Variants in TOP1 observed in about 807,000 individuals in gnomAD.
TOP1 encodes the protein DNA topoisomerase 1.
A neutral mutation model predicts 111.1 loss-of-function variants in TOP1; 10 were observed. That is an observed-to-expected ratio of 0.09 (90% CI 0.06 to 0.15). The LOEUF (loss-of-function observed/expected upper bound fraction) is 0.15. TOP1 is among the 10% of genes least tolerant of loss of function. TOP1 has a pLI of 1.00. For missense variants in TOP1, 474 were observed against 926.7 expected (o/e 0.51, Z 6.34); for synonymous variants, 271 against 302.9 (o/e 0.89, Z 1.10).
In TOP1 at chr20:41,092,550, T is replaced by C. The variant is rs768059983; in HGVS notation, c.693T>C (p.Tyr231=). 4.7e-5 allele frequency: 76 copies of C among 1,603,744 alleles called. No homozygotes were observed. The highest frequency in any genetic ancestry group is 6.1e-5 in the Non-Finnish European group (72 of 1,174,454). The change falls in exon 9 of 21, where the codon TAT becomes TAC. Residue 231 remains tyrosine, a synonymous_variant. Transcript: ENST00000361337. This position sits in a 1 kb window ranked among gnomAD's most constrained non-coding sequence, Gnocchi z 4.3. ...AAGGTCCAGTATTTGCCCCACCATA[T>C]GAGCCTCTTCCAGAGAATGTCAAGT... ...EHKGPVFAPP[Y]EPLPENVKFY... is the part of the protein sequence containing the mutation.
At chr20:41,040,824 A>C (rs985816273) in intron 2 of TOP1, among the ~76,000 whole-genome samples, 1 of 149,638 alleles carries the variant, frequency 6.7e-6, no homozygotes, top group African/African-American at 2.4e-5. Context: ...AAAAAAAAAA[A>C]GACCATGTTA....
rs554394681 is a variant in TOP1 at position 41,047,164 on chromosome 20, A to G, written c.59-14230A>G. Among the ~76,000 whole-genome samples the G allele has an allele frequency of 5.3e-5, 8 of 152,350 alleles. No individual in the cohort carries two copies. The East Asian group carries it at 1.5e-3, about 29-fold the overall frequency. ...GTACTAGCGCAGTGTTCTGCAAACT[A>G]CACCTGCTTTTGTGTGGTCCACGAA... On this transcript the variant is annotated intron_variant, in intron 2 of 20. Transcript: ENST00000361337.
At position 41,078,051 on chromosome 20, in the gene TOP1, A is replaced by C. The variant is rs1039678142; in HGVS notation, c.335+414A>C. On this transcript the variant is annotated intron_variant, in intron 5 of 20. Transcript: ENST00000361337. The surrounding 1 kb of genome is among the most constrained non-coding windows in gnomAD (Gnocchi z 5.3). ...TCTAAAAAGAAACTTCATATTCAGT[A>C]GCGATTATGGAGTTTTCTGAAAAAT... Among the ~76,000 whole-genome samples the C allele has an allele frequency of 6.6e-6, 1 of 150,804 alleles. No homozygotes were observed. The highest frequency in any genetic ancestry group is 2.4e-5 in the African/African-American group (1 of 40,926).
intron 2 of TOP1, among the ~76,000 whole-genome samples, chr20:41,045,795 C>T (rs1197359773): frequency 2.0e-5 from 3 of 152,116 alleles, no homozygotes; most frequent in African/African-American, 7.2e-5. Flanking sequence ...CAAATAGCAC[C>T]CAAGAGGCTA....
chr20:41,100,298 T>C lies in TOP1; in HGVS notation c.1163+55T>C. On this transcript the variant is annotated intron_variant, in intron 12 of 20. Coordinates refer to ENST00000361337, the MANE Select transcript of TOP1 (RefSeq NM_003286.4). This position sits in a 1 kb window ranked among gnomAD's most constrained non-coding sequence, Gnocchi z 4.4. ...AAAGGGGGTGGAGGGCGTCCTTTATTGTACTTGGGAATATTTCCCAGGTTA... is the reference window on the plus strand; with the variant it reads ...AAAGGGGGTGGAGGGCGTCCTTTATCGTACTTGGGAATATTTCCCAGGTTA... 1 of 1,452,454 alleles carries C rather than the reference T, an allele frequency of 6.9e-7. No individual in the cohort carries two copies. 90.0% of individuals were successfully genotyped at this position (1,452,454 alleles called of 1,614,324 possible).
intron 2 of TOP1, among the ~76,000 whole-genome samples, chr20:41,051,544 A>G (rs556317604): frequency 2.0e-5 from 3 of 152,314 alleles, no homozygotes; most frequent in Non-Finnish European, 2.9e-5. Context: ...AAGATTGGCA[A>G]CACTGTTAGC....
intron 3 of TOP1, among the ~76,000 whole-genome samples, chr20:41,074,955 G>A (rs2033708556): frequency 6.6e-6 from 1 of 152,158 alleles, no homozygotes; most frequent in African/African-American, 2.4e-5. Flanking sequence ...TTACATAGTT[G>A]CAGTTATTTT....
intron 2 of TOP1, among the ~76,000 whole-genome samples, chr20:41,054,179 C>G (rs1265842832): frequency 6.6e-6 from 1 of 152,186 alleles, no homozygotes; most frequent in African/African-American, 2.4e-5. Flanking sequence ...TCATAATCTT[C>G]CTGTGTTGTG....
At chr20:41,117,737 A>G (rs542239165) in intron 17 of TOP1, among the ~76,000 whole-genome samples, 2 of 152,074 alleles carry the variant, frequency 1.3e-5, no homozygotes, top group East Asian at 1.9e-4. Context: ...TTCTGGCTAC[A>G]TTGGGTGGAG....
intron 2 of TOP1, among the ~76,000 whole-genome samples, chr20:41,045,300 C>T (rs1223773996): frequency 6.6e-6 from 1 of 152,076 alleles, no homozygotes; most frequent in Admixed American, 6.5e-5. Context: ...TTTAAAAATC[C>T]AAAGACACGT....
Position 41,028,870 on chromosome 20 carries a change from G to A in TOP1, c.-198G>A. The A allele has an allele frequency of 1.8e-6, 1 of 558,926 alleles. No homozygotes were observed. Among genetic ancestry groups the A allele is most frequent in the Non-Finnish European group, 3.1e-6 (1 of 317,644 alleles). 34.6% of individuals were successfully genotyped at this position (558,926 alleles called of 1,614,324 possible). On this transcript the variant is annotated 5_prime_UTR_variant, in exon 1 of 21. Transcript: ENST00000361337. ...ACAACTGCTGGGGTCTGTTCTCGCC[G>A]CCCGCCCGGCAGTCAGGCAGCGTCG...
chr20:41,089,681 C>G (rs906594971), intron 8 of TOP1, among the ~76,000 whole-genome samples: 1 of 152,182 alleles, frequency 6.6e-6, no homozygotes, highest in Admixed American at 6.5e-5. Context: ...GGTCATGTGG[C>G]ATTTCTGTGC....
Position 41,113,953 on chromosome 20 carries a change from C to A in TOP1, c.1453-17C>A, listed in dbSNP as rs372180611. On this transcript the variant is annotated splice_polypyrimidine_tract_variant and intron_variant, in intron 14 of 20. Transcript: ENST00000361337. The stretch of plus-strand genomic sequence containing the variant: ...TCTCTTCCATTCATGCTCATCTTTT[C>A]TTTCTTTCCTGGGCAGCTTGCTCTG... 2 of 1,579,626 alleles carry A rather than the reference C, an allele frequency of 1.3e-6. No homozygotes were observed. Among genetic ancestry groups the A allele is most frequent in the Non-Finnish European group, 1.7e-6 (2 of 1,157,544 alleles).
rs147051331 is a variant in TOP1, at chr20:41,123,483, A to G, written c.*186A>G. On this transcript the variant is annotated 3_prime_UTR_variant, in exon 21 of 21. Coordinates refer to ENST00000361337, the MANE Select transcript of TOP1 (RefSeq NM_003286.4). This position sits in a 1 kb window ranked among gnomAD's most constrained non-coding sequence, Gnocchi z 5.8. ...AGCTGAGCCAGTTGTCCTATGGACA[A>G]CTTATTTAAAAATATTTCAGATATC... 1.6e-5 allele frequency: 7 copies of G among 427,084 alleles called. No homozygotes were observed. The highest frequency in any genetic ancestry group is 6.5e-5 in the South Asian group (1 of 15,420). The allele number at this position is 427,084 out of a possible 1,614,324, so 26.5% of individuals were successfully genotyped here.
chr20:41,059,301 A>G (rs934845344), intron 2 of TOP1, among the ~76,000 whole-genome samples: 2 of 151,886 alleles, frequency 1.3e-5, no homozygotes, highest in Non-Finnish European at 2.9e-5. Flanking sequence ...AAACCTGCAC[A>G]TATACCCCTG....
At position 41,097,617 on chromosome 20, in the gene TOP1, C is replaced by T. The variant is rs79467476; in HGVS notation, c.852+276C>T. Among the ~76,000 whole-genome samples, 24 of 152,268 alleles carry T rather than the reference C, an allele frequency of 1.6e-4. No homozygotes were observed. Among genetic ancestry groups the T allele is most frequent in the East Asian group, 1.5e-3 (8 of 5,180 alleles). On this transcript the variant is annotated intron_variant, in intron 10 of 20. Transcript: ENST00000361337. The surrounding 1 kb of genome is among the most constrained non-coding windows in gnomAD (Gnocchi z 4.2). Reference sequence around the variant, plus strand: ...AAACAGAAAACCTCAACTCCAGTTGCGCACAGGAAAGTTTGTCGCTGCAGG... The same window carrying T: ...AAACAGAAAACCTCAACTCCAGTTGTGCACAGGAAAGTTTGTCGCTGCAGG...
chr20:41,044,066 C>T (rs571199107), intron 2 of TOP1, among the ~76,000 whole-genome samples: 2 of 152,118 alleles, frequency 1.3e-5, no homozygotes, highest in Admixed American at 6.5e-5. Flanking sequence ...CACCTGAGGT[C>T]GGGAGTTTGA....
At chr20:41,072,642 T>C in intron 3 of TOP1, 1 of 985,390 alleles carries the variant, frequency 1.0e-6, no homozygotes, top group Non-Finnish European at 1.2e-6. Context: ...TTGCCAGCAC[T>C]CCTGCCGGTT....
chr20:41,117,117 C>G (rs370368368), intron 17 of TOP1, among the ~76,000 whole-genome samples: 1 of 152,036 alleles, frequency 6.6e-6, no homozygotes, highest in East Asian at 1.9e-4. Context: ...CTTGGGTAGC[C>G]GAGGCAGGAG....
Sources: allele counts gnomAD v4.1 joint callset (sites outside exome capture counted in the v4.1 genomes callset), GRCh38; gene constraint gnomAD v4.1.1; non-coding constraint Gnocchi (gnomAD v3.1); transcripts MANE v1.5; gene names NCBI Gene and HGNC (gene_info 2026-07-23, HGNC 2026-07-21).